Variants in CACNB2 observed in about 807,000 individuals in gnomAD.
CACNB2 encodes voltage-dependent L-type calcium channel subunit beta-2.
In CACNB2, 42 loss-of-function variants were observed where a neutral mutation model predicts 73.3. The ratio of observed to expected loss-of-function variants is 0.57; its 90% CI spans 0.45 to 0.74. The LOEUF is 0.74. CACNB2 is among the 30% of genes least tolerant of loss of function. The pLI is 0.00. For synonymous variants in CACNB2, 348 were observed against 310.3 expected (o/e 1.12, Z -1.28); for missense variants, 940 against 853.0 (o/e 1.10, Z -1.27).
At chr10:18,496,814 C>CAAAAAAAAA (rs905870687) in intron 3 of CACNB2, among the ~76,000 whole-genome samples, 1 of 45,184 alleles carries the variant, frequency 2.2e-5, no homozygotes, top group Admixed American at 2.9e-4. Flanking sequence ...AACTCCGCCT[C>CAAAAAAAAA]AAAAAAAAAA....
At chr10:18,477,087 G>A (rs999500161) in intron 3 of CACNB2, among the ~76,000 whole-genome samples, 6 of 152,006 alleles carry the variant, frequency 3.9e-5, no homozygotes, top group Admixed American at 2.0e-4. Flanking sequence ...TGCAAAGGGC[G>A]TAGCCTTTGG....
chr10:18,503,801 G>A (rs2050339261), intron 5 of CACNB2, among the ~76,000 whole-genome samples: 1 of 152,104 alleles, frequency 6.6e-6, no homozygotes, highest in Non-Finnish European at 1.5e-5. Context: ...AATAAATTAA[G>A]GATAGTTCTA....
rs2053587888 is a variant in CACNB2 at position 18,536,275 on chromosome 10, G to GTTTTTTTTTTTTTTTTTTT, written c.1302+79_1302+80insTTTTTTTTTTTTTTTTTTT. On this transcript the variant is annotated intron_variant, in intron 12 of 13. Transcript: ENST00000324631. ...TTTTTTTTTTTTTTTTTTTTTTTTGGGGGACAAGGTCTTGCTCTGTTGCCC... is the reference window on the plus strand; with the variant it reads ...TTTTTTTTTTTTTTTTTTTTTTTTGGTTTTTTTTTTTTTTTTTTTGGGACAAGGTCTTGCTCTGTTGCCC... 83 of 92,506 alleles carry GTTTTTTTTTTTTTTTTTTT rather than the reference G, an allele frequency of 9.0e-4. 16 individuals carry two copies. Among genetic ancestry groups the GTTTTTTTTTTTTTTTTTTT allele is most frequent in the East Asian group, 4.0e-3 (9 of 2,232 alleles). The allele number at this position is 92,506 out of a possible 1,614,324, so 5.7% of individuals were successfully genotyped here.
At chr10:18,381,910 A>G (rs1166831321) in intron 2 of CACNB2, among the ~76,000 whole-genome samples, 1 of 151,980 alleles carries the variant, frequency 6.6e-6, no homozygotes, top group East Asian at 1.9e-4. Flanking sequence ...GGTAGGGTCC[A>G]CTTATCCCCG....
chr10:18,171,530 A>AAAAAAAAAAAAAAAAAAAAC (rs2033234983), intron 2 of CACNB2, among the ~76,000 whole-genome samples: 1 of 134,974 alleles, frequency 7.4e-6, no homozygotes, highest in African/African-American at 3.4e-5. Flanking sequence ...AGAAAAAAAA[A>AAAAAAAAAAAAAAAAAAAAC]AAAAAAAAAA....
At chr10:18,210,473 G>A (rs1359236285) in intron 2 of CACNB2, among the ~76,000 whole-genome samples, 1 of 152,088 alleles carries the variant, frequency 6.6e-6, no homozygotes, top group Non-Finnish European at 1.5e-5. Context: ...GGGGGTTGGG[G>A]TGTGGTATGA....
intron 7 of CACNB2, chr10:18,514,968 C>T: frequency 1.2e-6 from 2 of 1,605,678 alleles, no homozygotes; most frequent in South Asian, 2.2e-5. Flanking sequence ...ATTTAAACTT[C>T]TAATCCACTA....
intron 2 of CACNB2, among the ~76,000 whole-genome samples, chr10:18,217,625 A>T (rs1481529997): frequency 6.6e-6 from 1 of 151,960 alleles, no homozygotes; most frequent in Non-Finnish European, 1.5e-5. Context: ...GGAGGTCAAG[A>T]TGGTCCTCAC....
chr10:18,171,521 G>GGAA (rs1185764878), intron 2 of CACNB2, among the ~76,000 whole-genome samples: 3,358 of 32,540 alleles, frequency 0.1, 369 homozygotes, highest in South Asian at 0.15. Context: ...TTTGATAGCA[G>GGAA]AAAAAAAAAA....
chr10:18,435,332 AC>A (rs1050293079), intron 3 of CACNB2, among the ~76,000 whole-genome samples: 2 of 152,140 alleles, frequency 1.3e-5, no homozygotes, highest in African/African-American at 4.8e-5. Flanking sequence ...GTGAAAATCC[AC>A]CTGAGTTGAC....
In CACNB2 at chr10:18,438,002, A is replaced by ATTT. The variant is rs56671616; in HGVS notation, c.333+35990_333+35992dup. 2.6e-4 allele frequency among the ~76,000 whole-genome samples: 11 copies of ATTT among 41,768 alleles called. 1 individual carries two copies. The highest frequency in any genetic ancestry group is 3.1e-4 in the African/African-American group (3 of 9,630). The allele number at this position is 41,768 out of a possible 152,430, so 27.4% of individuals were successfully genotyped here. On this transcript the variant is annotated intron_variant, in intron 3 of 13. Transcript: ENST00000324631. ...GTGTCGGGATACCTGGCCCAGTTGG[A>ATTT]TTTTTTTTTTTTTTTTTTTTTTTTT...
At chr10:18,363,740 C>CT (rs1441066908) in intron 2 of CACNB2, among the ~76,000 whole-genome samples, 3 of 151,220 alleles carry the variant, frequency 2.0e-5, no homozygotes, top group Non-Finnish European at 4.4e-5. Flanking sequence ...CTGTGTGACA[C>CT]TTGGTATGGC....
chr10:18,308,814 T>C (rs2039846924), intron 2 of CACNB2, among the ~76,000 whole-genome samples: 1 of 152,224 alleles, frequency 6.6e-6, no homozygotes, highest in African/African-American at 2.4e-5. Flanking sequence ...AGGGTATGAC[T>C]TGACAACTTT....
chr10:18,323,845 G>A (rs1335511181), intron 2 of CACNB2, among the ~76,000 whole-genome samples: 1 of 152,124 alleles, frequency 6.6e-6, no homozygotes, highest in African/African-American at 2.4e-5. Flanking sequence ...CTTCTTTCAG[G>A]CATGTTTTAA....
intron 10 of CACNB2, among the ~76,000 whole-genome samples, chr10:18,530,345 G>A (rs1459488955): frequency 6.6e-6 from 1 of 152,148 alleles, no homozygotes; most frequent in Non-Finnish European, 1.5e-5. Context: ...CTTTCTCATA[G>A]TGTTTGTTTT....
At chr10:18,436,646 C>T (rs1024513613) in intron 3 of CACNB2, among the ~76,000 whole-genome samples, 1 of 152,082 alleles carries the variant, frequency 6.6e-6, no homozygotes, top group South Asian at 2.1e-4. Context: ...CTCAAAAGCA[C>T]CTGAAAAAAT....
At chr10:18,440,801 G>A (rs897428921) in intron 3 of CACNB2, among the ~76,000 whole-genome samples, 2 of 152,208 alleles carry the variant, frequency 1.3e-5, no homozygotes, top group African/African-American at 4.8e-5. Flanking sequence ...CCAGATCCCA[G>A]TGTGTCTGAA....
At chr10:18,467,444 TAGG>T (rs780280288) in intron 3 of CACNB2, among the ~76,000 whole-genome samples, 1 of 152,160 alleles carries the variant, frequency 6.6e-6, no homozygotes, top group Non-Finnish European at 1.5e-5. Flanking sequence ...GGGAAAACAA[TAGG>T]AGGTGGTTCC....
intron 2 of CACNB2, among the ~76,000 whole-genome samples, chr10:18,395,267 A>T (rs931751468): frequency 6.6e-6 from 1 of 152,158 alleles, no homozygotes; most frequent in Non-Finnish European, 1.5e-5. Flanking sequence ...CTGCCCAGAC[A>T]TCCCTCTTCT....
Sources: gnomAD v4.1 joint callset for allele counts (sites outside exome capture counted in the v4.1 genomes callset) on GRCh38, gnomAD v4.1.1 for gene constraint, MANE v1.5 for transcripts, NCBI Gene and HGNC (gene_info 2026-07-23, HGNC 2026-07-21) for gene names.